Variants in KCNC2 observed in about 807,000 individuals in gnomAD.
KCNC2 encodes the protein voltage-gated potassium channel KCNC2.
Under a neutral mutation model 44.5 loss-of-function variants are expected in KCNC2, and 21 were observed. That is an observed-to-expected ratio of 0.47 (90% confidence interval 0.33 to 0.68). KCNC2 has a LOEUF of 0.68. Among genes scored for constraint, KCNC2 ranks in the 30% least tolerant of loss-of-function variants. The pLI is 0.01. For synonymous variants in KCNC2, 391 were observed against 339.1 expected, an observed-to-expected ratio of 1.15 and a Z score of -1.68; for missense variants, 589 against 826.2, an observed-to-expected ratio of 0.71 and a Z score of 3.52.
intron 2 of KCNC2, among the ~76,000 whole-genome samples, chr12:75,109,548 T>G (rs1324722753): frequency 6.6e-6 from 1 of 152,188 alleles, no homozygotes; most frequent in African/African-American, 2.4e-5. Flanking sequence ...TATTAAGGCT[T>G]GCGCTGCACC....
intron 2 of KCNC2, among the ~76,000 whole-genome samples, chr12:75,081,228 AG>A (rs1270184835): frequency 2.0e-5 from 3 of 152,100 alleles, no homozygotes; most frequent in Non-Finnish European, 4.4e-5. Context: ...TCTAAATAAA[AG>A]TTTATATATC....
At chr12:75,139,077 A>G (rs1889457268) in intron 2 of KCNC2, among the ~76,000 whole-genome samples, 1 of 151,980 alleles carries the variant, frequency 6.6e-6, no homozygotes. Flanking sequence ...CTCACCTGAG[A>G]AAATGCCAAA....
chr12:75,077,292 T>C (rs1428415652), intron 2 of KCNC2, among the ~76,000 whole-genome samples: 3 of 152,132 alleles, frequency 2.0e-5, no homozygotes. Context: ...TACAACCACT[T>C]CTATCTGGAA....
At chr12:75,076,324 A>T (rs1299773210) in intron 2 of KCNC2, among the ~76,000 whole-genome samples, 1 of 142,546 alleles carries the variant, frequency 7.0e-6, no homozygotes, top group African/African-American at 2.5e-5. Context: ...TTTGTCGCCC[A>T]TGCAGTAGCG....
At chr12:75,143,729 T>C (rs1240406379) in intron 2 of KCNC2, among the ~76,000 whole-genome samples, 2 of 152,204 alleles carry the variant, frequency 1.3e-5, no homozygotes, top group Non-Finnish European at 2.9e-5. Context: ...TCTAGAACTG[T>C]ATTTTTAAAA....
At chr12:75,173,631 C>A (rs1262525194) in intron 2 of KCNC2, among the ~76,000 whole-genome samples, 1 of 151,848 alleles carries the variant, frequency 6.6e-6, no homozygotes, top group East Asian at 1.9e-4. Flanking sequence ...TGTATAATTA[C>A]ATGTCCTTTT....
intron 2 of KCNC2, among the ~76,000 whole-genome samples, chr12:75,164,246 GTA>G (rs1891306175): frequency 6.6e-6 from 1 of 151,590 alleles, no homozygotes; most frequent in Admixed American, 6.6e-5. Context: ...GTTCTCAAGT[GTA>G]TGTGTCGGCT....
chr12:75,207,456 G>T lies in KCNC2; in HGVS notation c.528C>A (p.Gly176=). Residue 176 remains glycine, a synonymous_variant, in exon 2 of 5, where the codon GGC becomes GGA. Coordinates refer to ENST00000549446, the MANE Select transcript of KCNC2 (RefSeq NM_139137.4). This position sits in a 1 kb window ranked among gnomAD's most constrained non-coding sequence, Gnocchi z 4.1. The part of the protein sequence containing the change: ...LDIFETPDLI[G]GDPGDDEDLA... ...GGTCCTCGTCGTCGCCGGGGTCGCC[G>T]CCAATGAGGTCGGGGGTCTCGAAGA... The T allele has an allele frequency of 1.2e-6, 2 of 1,611,090 alleles. No homozygotes were observed. The highest frequency in any genetic ancestry group is 1.7e-6 in the Non-Finnish European group (2 of 1,179,050).
At chr12:75,206,560 G>T (rs2031702662) in intron 2 of KCNC2, among the ~76,000 whole-genome samples, 1 of 152,154 alleles carries the variant, frequency 6.6e-6, no homozygotes, top group African/African-American at 2.4e-5. Flanking sequence ...AGAGAACTAG[G>T]ATCACCAAAG....
At chr12:75,180,351 C>G (rs552800047) in intron 2 of KCNC2, among the ~76,000 whole-genome samples, 2 of 151,548 alleles carry the variant, frequency 1.3e-5, no homozygotes, top group African/African-American at 2.4e-5. Flanking sequence ...ATATATGAAG[C>G]CTCCTATTAG....
chr12:75,151,184 T>C (rs766443471), intron 2 of KCNC2, among the ~76,000 whole-genome samples: 4 of 151,910 alleles, frequency 2.6e-5, no homozygotes, highest in African/African-American at 9.7e-5. Flanking sequence ...AAATTAAATA[T>C]AGGAGAAACA....
intron 2 of KCNC2, among the ~76,000 whole-genome samples, chr12:75,067,199 T>C (rs1020140554): frequency 3.3e-5 from 5 of 151,822 alleles, no homozygotes; most frequent in Non-Finnish European, 5.9e-5. Flanking sequence ...AAACCCTGTC[T>C]CAAAACAAAA....
Position 75,042,218 on chromosome 12 carries a change from TAA to T in KCNC2, c.*885_*886del. On this transcript the variant is annotated 3_prime_UTR_variant, in exon 5 of 5. Transcript: ENST00000549446. ...ACAAACCCTGGGTATTTTTTTTTTT[TAA>T]AGAGTCTAGAACCAAGCAGCAATTT... The T allele has an allele frequency of 7.5e-7, 1 of 1,335,898 alleles. No individual in the cohort carries two copies. Among genetic ancestry groups the T allele is most frequent in the Non-Finnish European group, 9.7e-7 (1 of 1,026,134 alleles). 82.8% of individuals were successfully genotyped at this position (1,335,898 alleles called of 1,614,324 possible). A position where few individuals can be genotyped will look rare whatever the true frequency, so the allele number is the denominator to read the frequency against.
At chr12:75,043,291 A>G (rs937519522) in intron 4 of KCNC2, 50 bp from the exon 5 acceptor site, 22 of 1,606,308 alleles carry the variant, frequency 1.4e-5, no homozygotes, top group Non-Finnish European at 1.8e-5. Flanking sequence ...CAGAATATAG[A>G]CAGACAAATA....
intron 2 of KCNC2, among the ~76,000 whole-genome samples, chr12:75,146,043 T>TC (rs1890005880): frequency 6.6e-6 from 1 of 150,956 alleles, no homozygotes; most frequent in South Asian, 2.1e-4. Flanking sequence ...AGGTTCCACC[T>TC]CCCGGGGTTC....
At chr12:75,059,323 T>G (rs1469496348) in intron 2 of KCNC2, among the ~76,000 whole-genome samples, 1 of 152,134 alleles carries the variant, frequency 6.6e-6, no homozygotes, top group Non-Finnish European at 1.5e-5. Context: ...GGGGTCCATA[T>G]AGTCAAGCAT....
intron 2 of KCNC2, among the ~76,000 whole-genome samples, chr12:75,097,852 A>T (rs1056024027): frequency 1.3e-5 from 2 of 152,146 alleles, no homozygotes; most frequent in African/African-American, 4.8e-5. Context: ...AGTGTTCGTA[A>T]ATACATCCCT....
intron 2 of KCNC2, among the ~76,000 whole-genome samples, chr12:75,090,992 T>C (rs1240181593): frequency 4.6e-5 from 7 of 151,794 alleles, no homozygotes; most frequent in Admixed American, 1.3e-4. Context: ...TACCTTCTCA[T>C]TACCTCTAAA....
At chr12:75,157,418 G>C (rs1565899597) in intron 2 of KCNC2, among the ~76,000 whole-genome samples, 1 of 151,820 alleles carries the variant, frequency 6.6e-6, no homozygotes, top group East Asian at 1.9e-4. Context: ...TCTACCTCAG[G>C]ATTTCTTGAT....
Sources: allele counts gnomAD v4.1 joint callset (sites outside exome capture counted in the v4.1 genomes callset), GRCh38; gene constraint gnomAD v4.1.1; non-coding constraint Gnocchi (gnomAD v3.1); transcripts MANE v1.5; gene names NCBI Gene and HGNC (gene_info 2026-07-23, HGNC 2026-07-21).